CALCRL: variants seen among roughly 807,000 people sequenced by gnomAD.
The protein encoded by CALCRL is calcitonin gene-related peptide type 1 receptor.
Under a neutral mutation model 60.4 loss-of-function variants are expected in CALCRL, and 27 were observed. The ratio of observed to expected loss-of-function variants is 0.45; its 90% CI spans 0.33 to 0.62. The LOEUF is 0.62. Ranked by LOEUF, CALCRL falls within the 20% of genes least tolerant of loss-of-function variation. The pLI, the probability that CALCRL is intolerant of heterozygous loss-of-function variation, is 0.03. For missense variants in CALCRL, 424 were observed against 540.7 expected, an observed-to-expected ratio of 0.78 and a Z score of 2.14; for synonymous variants, 190 against 182.6, an observed-to-expected ratio of 1.04 and a Z score of -0.33.
At chr2:187,408,986 C>T (rs778071808) in intron 1 of CALCRL, among the ~76,000 whole-genome samples, 12 of 152,104 alleles carry the variant, frequency 7.9e-5, no homozygotes, top group Non-Finnish European at 1.3e-4. Context: ...TAAATTAATT[C>T]AGAGCACATA....
chr2:187,445,996 G>A (rs901759861), intron 1 of CALCRL, among the ~76,000 whole-genome samples: 3 of 151,256 alleles, frequency 2.0e-5, no homozygotes, highest in Non-Finnish European at 4.4e-5. Context: ...TTAACTTTTA[G>A]TATAATGCTT....
intron 9 of CALCRL, among the ~76,000 whole-genome samples, chr2:187,361,172 T>C (rs538098512): frequency 0.087 from 97 of 1,114 alleles, no homozygotes; most frequent in Middle Eastern, 0.5. Context: ...AGTGCCCAAA[T>C]ACTTGAAAAG....
At chr2:187,349,796 T>G (rs905534665) in intron 14 of CALCRL, among the ~76,000 whole-genome samples, 1 of 151,668 alleles carries the variant, frequency 6.6e-6, no homozygotes, top group Non-Finnish European at 1.5e-5. Flanking sequence ...ACTTTAGATA[T>G]TCCCTGGGCA....
rs1276043238 is a variant in CALCRL at position 187,342,365 on chromosome 2, T to C, written c.*3819A>G. On this transcript the variant is annotated 3_prime_UTR_variant, in exon 15 of 15. Transcript: ENST00000392370. ...GATGTATTAAAATATACTCTACTAA[T>C]ATACTAAAAACTGCTTTGAATATGA... 6.6e-6 allele frequency among the ~76,000 whole-genome samples: 1 copy of C among 151,768 alleles called. No homozygotes were observed. The highest frequency in any genetic ancestry group is 1.5e-5 in the Non-Finnish European group (1 of 67,710).
In CALCRL at chr2:187,346,167, C is replaced by G. The variant is rs747936357; in HGVS notation, c.*17G>C. The G allele has an allele frequency of 2.7e-6, 4 of 1,505,252 alleles. No homozygotes were observed. Among genetic ancestry groups the G allele is most frequent in the Non-Finnish European group, 3.7e-6 (4 of 1,093,794 alleles). 93.2% of individuals were successfully genotyped at this position (1,505,252 alleles called of 1,614,324 possible). A position where few individuals can be genotyped will look rare whatever the true frequency, so the allele number is the denominator to read the frequency against. On this transcript the variant is annotated 3_prime_UTR_variant, in exon 15 of 15. Transcript: ENST00000392370. The stretch of plus-strand genomic sequence containing the variant: ...TTAGGAGAAGCACAAAACAGTGAGA[C>G]AACCATCCTTCTATTTTCAATTATA...
At chr2:187,389,162 T>G (rs927099805) in intron 1 of CALCRL, among the ~76,000 whole-genome samples, 1 of 151,792 alleles carries the variant, frequency 6.6e-6, no homozygotes, top group Non-Finnish European at 1.5e-5. Context: ...AATCTCCGTC[T>G]TGCAGGTTCA....
At chr2:187,389,399 T>G (rs1220971668) in intron 1 of CALCRL, among the ~76,000 whole-genome samples, 1 of 152,094 alleles carries the variant, frequency 6.6e-6, no homozygotes, top group Non-Finnish European at 1.5e-5. Flanking sequence ...TAATCACTAG[T>G]ATGTTTCTTA....
Position 187,370,435 on chromosome 2 carries a change from A to G in CALCRL, c.501-6933T>C, listed in dbSNP as rs559150044. On this transcript the variant is annotated intron_variant, in intron 8 of 14. Coordinates refer to ENST00000392370, the MANE Select transcript of CALCRL (RefSeq NM_005795.6). ...AATAATGATATAATTTTCAAAATTT[A>G]TTGTCATTCTATTGCCAGGAAAACT... Among the ~76,000 whole-genome samples the G allele has an allele frequency of 1.9e-4, 29 of 152,290 alleles. No individual in the cohort carries two copies. In the East Asian group the frequency reaches 5.4e-3, roughly 28 times the overall value.
At position 187,344,152 on chromosome 2, in the gene CALCRL, A is replaced by G. The variant is rs957247406; in HGVS notation, c.*2032T>C. 6.6e-6 allele frequency: 1 copy of G among 151,636 alleles called. No homozygotes were observed. Among genetic ancestry groups the G allele is most frequent in the African/African-American group, 2.4e-5 (1 of 41,396 alleles). 9.4% of individuals were successfully genotyped at this position (151,636 alleles called of 1,614,324 possible). On this transcript the variant is annotated 3_prime_UTR_variant, in exon 15 of 15. Coordinates refer to ENST00000392370, the MANE Select transcript of CALCRL (RefSeq NM_005795.6). ...ATAGCTAATAATTGAGTTTATTAAA[A>G]TGAATTTTTGTATAATTTAGGCAGT...
chr2:187,444,982 G>A (rs116429980), intron 1 of CALCRL, among the ~76,000 whole-genome samples: 2,074 of 151,540 alleles, frequency 0.014, 22 homozygotes, highest in Non-Finnish European at 0.016. Flanking sequence ...TATATTAAAC[G>A]AGAAGATGTC....
chr2:187,421,400 G>A (rs933728353), intron 1 of CALCRL, among the ~76,000 whole-genome samples: 1 of 152,064 alleles, frequency 6.6e-6, no homozygotes, highest in Non-Finnish European at 1.5e-5. Context: ...CAGCATCCTG[G>A]AAAGTTCAAG....
chr2:187,375,660 A>G (rs536597906), intron 8 of CALCRL, among the ~76,000 whole-genome samples: 1 of 152,290 alleles, frequency 6.6e-6, no homozygotes, highest in East Asian at 1.9e-4. Context: ...TATATGTAAA[A>G]CACGAGGACA....
In CALCRL at chr2:187,432,154, C is replaced by T. The variant is rs1241049110; in HGVS notation, c.-293+15885G>A. On this transcript the variant is annotated intron_variant, in intron 1 of 14. Transcript: ENST00000392370. ...ATCTTGTCAGTAATGAGTTTTAAAT[C>T]TCCATAAACAGGATGTTACTAACAA... Among the ~76,000 whole-genome samples the T allele has an allele frequency of 2.6e-5, 4 of 152,212 alleles. No individual in the cohort carries two copies. In the East Asian group the frequency reaches 7.7e-4, roughly 29 times the overall value.
chr2:187,369,467 C>G lies in CALCRL; in HGVS notation c.501-5965G>C, dbSNP rs143684264. Among the ~76,000 whole-genome samples, 79 of 152,202 alleles carry G rather than the reference C, an allele frequency of 5.2e-4. No individual in the cohort carries two copies. The East Asian group carries it at 0.014, about 28-fold the overall frequency. ...TAACAACTCCTTGAAGTATTATTGT[C>G]TTTTAATAAAATGGAGGTAAGTTTC... is the stretch of plus-strand genomic sequence containing the variant. On this transcript the variant is annotated intron_variant, in intron 8 of 14. Transcript: ENST00000392370.
At chr2:187,440,959 A>G (rs1007035554) in intron 1 of CALCRL, among the ~76,000 whole-genome samples, 11 of 152,090 alleles carry the variant, frequency 7.2e-5, no homozygotes, top group Non-Finnish European at 1.5e-4. Flanking sequence ...TCCAGACCTT[A>G]ATATTTGCTC....
Position 187,385,638 on chromosome 2 carries a change from C to G in CALCRL, c.-36-7G>C. On this transcript the variant is annotated splice_region_variant and splice_polypyrimidine_tract_variant and intron_variant, in intron 3 of 14. Transcript: ENST00000392370. ...ATATGCTGTATAACATAAACTGCAA[C>G]AGAAAATAAAAGAAATATAATTCAT... 3 of 1,365,384 alleles carry G rather than the reference C, an allele frequency of 2.2e-6. No individual in the cohort carries two copies. The highest frequency in any genetic ancestry group is 3.0e-6 in the Non-Finnish European group (3 of 989,094). 84.6% of individuals were successfully genotyped at this position (1,365,384 alleles called of 1,614,324 possible). A position where few individuals can be genotyped will look rare whatever the true frequency, so the allele number is the denominator to read the frequency against.
intron 1 of CALCRL, among the ~76,000 whole-genome samples, chr2:187,396,796 T>C (rs1475557259): frequency 6.6e-6 from 1 of 151,756 alleles, no homozygotes; most frequent in Non-Finnish European, 1.5e-5. Flanking sequence ...TAAGGAAGTA[T>C]ATATTGTTAA....
chr2:187,345,304 A>C lies in CALCRL; in HGVS notation c.*880T>G, dbSNP rs1223101863. On this transcript the variant is annotated 3_prime_UTR_variant, in exon 15 of 15. Transcript: ENST00000392370. Reference sequence around the variant, plus strand: ...CTTTTTACAAAATTCCAAGAAAATAAGAAATCCTTCATTGATTTTCTTTAT... The same window carrying C: ...CTTTTTACAAAATTCCAAGAAAATACGAAATCCTTCATTGATTTTCTTTAT... The C allele has an allele frequency of 5.3e-5, 8 of 152,316 alleles. No homozygotes were observed. The Admixed American group carries it at 5.3e-4, about 10-fold the overall frequency. 9.4% of individuals were successfully genotyped at this position (152,316 alleles called of 1,614,324 possible).
intron 14 of CALCRL, among the ~76,000 whole-genome samples, chr2:187,346,978 G>A (rs978833711): frequency 6.6e-6 from 1 of 151,798 alleles, no homozygotes; most frequent in African/African-American, 2.4e-5. Context: ...GGAAAGAAAA[G>A]TGTTGAACAA....
Sources: gnomAD v4.1 joint callset for allele counts (sites outside exome capture counted in the v4.1 genomes callset) on GRCh38, gnomAD v4.1.1 for gene constraint, MANE v1.5 for transcripts, NCBI Gene and HGNC (gene_info 2026-07-23, HGNC 2026-07-21) for gene names.